Variants in FOXP1 observed in about 807,000 individuals in gnomAD.
FOXP1 encodes the protein forkhead box protein P1.
In FOXP1, 15 loss-of-function variants were observed where a neutral mutation model predicts 98.2. The observed-to-expected ratio is 0.15, with a 90% confidence interval of 0.10 to 0.24. The LOEUF is 0.24. FOXP1 is among the 10% of genes least tolerant of loss of function. The pLI, the probability that FOXP1 is intolerant of heterozygous loss-of-function variation, is 1.00. For synonymous variants in FOXP1, 371 were observed against 314.5 expected, an observed-to-expected ratio of 1.18 and a Z score of -1.90; for missense variants, 633 against 848.5, an observed-to-expected ratio of 0.75 and a Z score of 3.15.
chr3:70,977,818 G>T lies in FOXP1; in HGVS notation c.1348+10C>A. Reference sequence around the variant, plus strand: ...ACAACTCTACGTGAGGCAAAAGGTGGAGTATCTACCTGACGAAATGGGCAC... The same window carrying T: ...ACAACTCTACGTGAGGCAAAAGGTGTAGTATCTACCTGACGAAATGGGCAC... On this transcript the variant is annotated intron_variant, in intron 15 of 20. Transcript: ENST00000649528. 1.2e-6 allele frequency: 2 copies of T among 1,613,930 alleles called. No individual in the cohort carries two copies. Among genetic ancestry groups the T allele is most frequent in the Non-Finnish European group, 8.5e-7 (1 of 1,179,788 alleles).
intron 4 of FOXP1, chr3:71,333,347 G>C (rs1460170271): frequency 6.6e-6 from 1 of 151,916 alleles, no homozygotes; most frequent in African/African-American, 2.4e-5. Flanking sequence ...TCACTTTCAC[G>C]TAAAAATGAG....
chr3:71,148,285 G>C (rs991239583), intron 6 of FOXP1, among the ~76,000 whole-genome samples: 1 of 152,172 alleles, frequency 6.6e-6, no homozygotes, highest in African/African-American at 2.4e-5. Flanking sequence ...GCTGAGGCAA[G>C]AGAATCACTT....
intron 2 of FOXP1, among the ~76,000 whole-genome samples, chr3:71,541,160 T>A (rs1048954005): frequency 6.6e-6 from 1 of 152,230 alleles, no homozygotes; most frequent in African/African-American, 2.4e-5. Context: ...TTCATGCTTT[T>A]TCCAAGCTTT....
chr3:71,170,775 C>T (rs2061610923), intron 6 of FOXP1, among the ~76,000 whole-genome samples: 1 of 152,180 alleles, frequency 6.6e-6, no homozygotes, highest in Non-Finnish European at 1.5e-5. Context: ...ATTGAGAAAA[C>T]CATATTGCTG....
intron 7 of FOXP1, among the ~76,000 whole-genome samples, chr3:71,084,371 A>G (rs1208922731): frequency 6.6e-6 from 1 of 151,864 alleles, no homozygotes; most frequent in African/African-American, 2.4e-5. Context: ...TTTTCCCCCA[A>G]AAACAAACTC....
At chr3:71,544,047 G>A (rs1229564852) in intron 2 of FOXP1, among the ~76,000 whole-genome samples, 4 of 151,496 alleles carry the variant, frequency 2.6e-5, no homozygotes, top group Non-Finnish European at 5.9e-5. Context: ...ACACATATAT[G>A]TGTGTATACA....
chr3:70,975,632 T>A (rs192307440), intron 17 of FOXP1, among the ~76,000 whole-genome samples: 1 of 152,334 alleles, frequency 6.6e-6, no homozygotes, highest in African/African-American at 2.4e-5. Context: ...CCTTATCATA[T>A]TTAGATTAAT....
chr3:71,511,499 A>T (rs569849238), intron 2 of FOXP1, among the ~76,000 whole-genome samples: 212 of 150,698 alleles, frequency 1.4e-3, no homozygotes, highest in African/African-American at 5.1e-3. Context: ...GAATTAATAA[A>T]AAAAAAAAAA....
intron 2 of FOXP1, among the ~76,000 whole-genome samples, chr3:71,516,815 T>C (rs1018309314): frequency 2.6e-5 from 4 of 152,074 alleles, no homozygotes; most frequent in African/African-American, 9.7e-5. Flanking sequence ...CACTGCACTC[T>C]AGCCTGGGTG....
intron 6 of FOXP1, among the ~76,000 whole-genome samples, chr3:71,181,735 T>G (rs2108283393): frequency 6.6e-6 from 1 of 152,122 alleles, no homozygotes; most frequent in African/African-American, 2.4e-5. Context: ...GGTGGAAATT[T>G]AAAGAAAACA....
chr3:71,421,676 G>T (rs1032024344), intron 3 of FOXP1, among the ~76,000 whole-genome samples: 6 of 152,142 alleles, frequency 3.9e-5, no homozygotes, highest in African/African-American at 1.2e-4. Flanking sequence ...CAGAGGGGCC[G>T]CTGGTCTCAG....
chr3:71,273,580 A>G (rs2070600775), intron 5 of FOXP1, among the ~76,000 whole-genome samples: 1 of 152,162 alleles, frequency 6.6e-6, no homozygotes, highest in Admixed American at 6.5e-5. Flanking sequence ...CGCCGCCTCC[A>G]TTATTTCAGT....
In FOXP1 at chr3:71,212,787, C is replaced by T. The variant is rs1356124527; in HGVS notation, c.-11-14395G>A. ...TAGCCTCATTCCCTGCTATTAATCA[C>T]ACTTCTAAGAGCTCATTTTGCCTTA... On this transcript the variant is annotated intron_variant, in intron 5 of 20. Transcript: ENST00000649528. Among the ~76,000 whole-genome samples the T allele has an allele frequency of 9.2e-5, 14 of 152,112 alleles. No individual in the cohort carries two copies. In the East Asian group the frequency reaches 2.7e-3, roughly 29 times the overall value.
intron 6 of FOXP1, among the ~76,000 whole-genome samples, chr3:71,179,011 A>G (rs1202198728): frequency 7.3e-5 from 3 of 41,154 alleles, no homozygotes; most frequent in Non-Finnish European, 1.3e-4. Flanking sequence ...CACTCTGTCT[A>G]AAAAAAAAAA....
intron 5 of FOXP1, among the ~76,000 whole-genome samples, chr3:71,228,828 T>C (rs1366347135): frequency 1.3e-5 from 2 of 152,142 alleles, no homozygotes; most frequent in African/African-American, 4.8e-5. Flanking sequence ...TTCTTTATGG[T>C]ACAAAATGGA....
At chr3:71,263,438 G>A (rs2069349946) in intron 5 of FOXP1, among the ~76,000 whole-genome samples, 2 of 152,174 alleles carry the variant, frequency 1.3e-5, no homozygotes, top group South Asian at 4.1e-4. Flanking sequence ...TCAGGCTGGG[G>A]CCTGAATTAA....
chr3:71,240,613 G>A (rs1473009173), intron 5 of FOXP1, among the ~76,000 whole-genome samples: 1 of 151,960 alleles, frequency 6.6e-6, no homozygotes, highest in Non-Finnish European at 1.5e-5. Context: ...CGCGATCTCG[G>A]CTTACTGCAA....
intron 2 of FOXP1, among the ~76,000 whole-genome samples, chr3:71,542,896 G>T (rs1208511153): frequency 6.6e-6 from 1 of 152,220 alleles, no homozygotes; most frequent in Non-Finnish European, 1.5e-5. Flanking sequence ...AAGAGTGGAG[G>T]GGAGCAGGCG....
intron 2 of FOXP1, among the ~76,000 whole-genome samples, chr3:71,495,727 C>A (rs1469364726): frequency 6.6e-6 from 1 of 152,118 alleles, no homozygotes; most frequent in African/African-American, 2.4e-5. Context: ...AAAGCTTGTG[C>A]CCATGGGAAC....
Sources: allele counts gnomAD v4.1 joint callset (sites outside exome capture counted in the v4.1 genomes callset), GRCh38; gene constraint gnomAD v4.1.1; transcripts MANE v1.5; gene names NCBI Gene and HGNC (gene_info 2026-07-23, HGNC 2026-07-21).